Variants in ZNF670 observed in about 807,000 individuals in gnomAD.
ZNF670 encodes zinc finger protein 670.
Under a neutral mutation model 10.9 loss-of-function variants are expected in ZNF670, and 7 were observed. That is an observed-to-expected ratio of 0.64 (90% CI 0.36 to 1.20). ZNF670 has a LOEUF of 1.20. Ranked by LOEUF, ZNF670 falls within the 50% of genes most tolerant of loss-of-function variation. The pLI is 0.02. For missense variants in ZNF670, 446 were observed against 458.6 expected, an observed-to-expected ratio of 0.97 and a Z score of 0.25; for synonymous variants, 136 against 152.7, an observed-to-expected ratio of 0.89 and a Z score of 0.81.
chr1:247,043,592 T>A, intron 1 of ZNF670: 1 of 625,598 alleles, frequency 1.6e-6, no homozygotes, highest in Non-Finnish European at 3.0e-6. Flanking sequence ...ACTTCAGCAT[T>A]GGGAGCACCA....
chr1:247,078,114 T>TGTG lies in ZNF670; in HGVS notation c.3+479_3+480insCAC, dbSNP rs1158651637. ...AATTGGGTTTGCTTCCTCGGGTTCC[T>TGTG]TACAAAAAACCCTTTCCTTCCCCAA... On this transcript the variant is annotated intron_variant, in intron 1 of 3. Coordinates refer to ENST00000366503, the MANE Select transcript of ZNF670 (RefSeq NM_033213.5). 3.3e-5 allele frequency among the ~76,000 whole-genome samples: 5 copies of TGTG among 152,206 alleles called. No homozygotes were observed. The East Asian group carries it at 9.6e-4, about 29-fold the overall frequency.
At chr1:247,051,122 C>G (rs1366268414) in intron 1 of ZNF670, among the ~76,000 whole-genome samples, 5 of 151,762 alleles carry the variant, frequency 3.3e-5, no homozygotes, top group Non-Finnish European at 5.9e-5. Context: ...TCCTGGCTAA[C>G]ATGGTGAAAC....
intron 1 of ZNF670, among the ~76,000 whole-genome samples, chr1:247,044,710 A>G (rs944888235): frequency 6.6e-6 from 1 of 152,216 alleles, no homozygotes; most frequent in African/African-American, 2.4e-5. Context: ...TTGACAGAAA[A>G]CCAAATACCA....
chr1:247,062,894 G>C (rs1670890444), intron 1 of ZNF670, among the ~76,000 whole-genome samples: 1 of 133,394 alleles, frequency 7.5e-6, no homozygotes, highest in African/African-American at 3.1e-5. Context: ...GACACTCCAA[G>C]ATAAGGCCAC....
rs1670123686 is a variant in ZNF670 at position 247,035,315 on chromosome 1, G to A, written c.*2134C>T. Among the ~76,000 whole-genome samples the A allele has an allele frequency of 6.6e-6, 1 of 152,184 alleles. No individual in the cohort carries two copies. Among genetic ancestry groups the A allele is most frequent in the Admixed American group, 6.5e-5 (1 of 15,276 alleles). ...AAGTTATTAGTTACATACATTCATAGACAAAAAAGGGAGGGTTCTGTAAAC... is the reference window on the plus strand; with the variant it reads ...AAGTTATTAGTTACATACATTCATAAACAAAAAAGGGAGGGTTCTGTAAAC... On this transcript the variant is annotated 3_prime_UTR_variant, in exon 4 of 4. Coordinates refer to ENST00000366503, the MANE Select transcript of ZNF670 (RefSeq NM_033213.5).
intron 1 of ZNF670, among the ~76,000 whole-genome samples, chr1:247,076,258 ATT>A (rs761879742): frequency 4.2e-5 from 6 of 141,628 alleles, no homozygotes; most frequent in Admixed American, 1.4e-4. Context: ...GTGTGCTTGA[ATT>A]TTTTTTTTTT....
chr1:247,051,782 A>ATTT (rs58493948), intron 1 of ZNF670, among the ~76,000 whole-genome samples: 2 of 138,216 alleles, frequency 1.4e-5, no homozygotes, highest in African/African-American at 5.2e-5. Context: ...TTCTTTTTTC[A>ATTT]TTTTTTTTTT....
At chr1:247,046,609 C>G (rs538849889) in intron 1 of ZNF670, among the ~76,000 whole-genome samples, 3 of 152,280 alleles carry the variant, frequency 2.0e-5, no homozygotes, top group East Asian at 3.9e-4. Flanking sequence ...CAGGCAGAAG[C>G]CTGACATGAG....
chr1:247,075,580 T>C (rs1229838788), intron 1 of ZNF670, among the ~76,000 whole-genome samples: 1 of 152,178 alleles, frequency 6.6e-6, no homozygotes, highest in Non-Finnish European at 1.5e-5. Flanking sequence ...GTTCTGGTGA[T>C]AGCGAATACG....
intron 2 of ZNF670, among the ~76,000 whole-genome samples, 190 bp from the exon 3 acceptor site, chr1:247,039,060 C>CTTTTTTT (rs3078762): frequency 1.4e-4 from 18 of 125,618 alleles, no homozygotes; most frequent in African/African-American, 2.4e-4. Context: ...TTCTTTCTTT[C>CTTTTTTT]TTTTTTTTTT....
intron 1 of ZNF670, among the ~76,000 whole-genome samples, chr1:247,069,299 C>T (rs1352790666): frequency 2.0e-5 from 3 of 150,776 alleles, no homozygotes; most frequent in African/African-American, 7.5e-5. Context: ...GATATATACA[C>T]CTTGTATGTC....
intron 1 of ZNF670, among the ~76,000 whole-genome samples, chr1:247,066,469 T>G (rs1347288279): frequency 1.3e-5 from 2 of 152,160 alleles, no homozygotes; most frequent in Non-Finnish European, 2.9e-5. Flanking sequence ...GCCCAGAGGT[T>G]TGGTGCAGTA....
At chr1:247,049,928 T>A (rs141095445) in intron 1 of ZNF670, among the ~76,000 whole-genome samples, 2 of 152,354 alleles carry the variant, frequency 1.3e-5, no homozygotes, top group African/African-American at 4.8e-5. Context: ...TATTGAGACT[T>A]GTTTTGTGGC....
intron 1 of ZNF670, among the ~76,000 whole-genome samples, chr1:247,045,928 C>T (rs180876046): frequency 6.6e-6 from 1 of 152,292 alleles, no homozygotes; most frequent in East Asian, 1.9e-4. Context: ...GAGCAAAGGT[C>T]ACCCATGTTA....
At position 247,038,433 on chromosome 1, in the gene ZNF670, A is replaced by C. The variant is rs1320401211; in HGVS notation, c.192-6T>G. The C allele has an allele frequency of 6.3e-7, 1 of 1,593,668 alleles. No individual in the cohort carries two copies. Among genetic ancestry groups the C allele is most frequent in the African/African-American group, 1.3e-5 (1 of 74,400 alleles). On this transcript the variant is annotated splice_polypyrimidine_tract_variant and splice_region_variant and intron_variant, in intron 3 of 3. Coordinates refer to ENST00000366503, the MANE Select transcript of ZNF670 (RefSeq NM_033213.5). ...GTCTCTCTACCACATGACTGCTGTAAAAATGATAAACATCATTAATGGTAC... is the reference window on the plus strand; with the variant it reads ...GTCTCTCTACCACATGACTGCTGTACAAATGATAAACATCATTAATGGTAC...
rs1180594249 is a variant in ZNF670, at chr1:247,078,701, A to C, written c.-105T>G. 4 of 1,301,854 alleles carry C rather than the reference A, an allele frequency of 3.1e-6. No individual in the cohort carries two copies. The African/African-American group carries it at 5.9e-5, about 19-fold the overall frequency. 80.6% of individuals were successfully genotyped at this position (1,301,854 alleles called of 1,614,324 possible). A position where few individuals can be genotyped will look rare whatever the true frequency, so the allele number is the denominator to read the frequency against. On this transcript the variant is annotated 5_prime_UTR_variant, in exon 1 of 4. Coordinates refer to ENST00000366503, the MANE Select transcript of ZNF670 (RefSeq NM_033213.5). ...GGACCACTTGGACCTCCCAGGGATAAGGGGAAGGAGCAGCGGAGACGCACC... is the reference window on the plus strand; with the variant it reads ...GGACCACTTGGACCTCCCAGGGATACGGGGAAGGAGCAGCGGAGACGCACC...
At chr1:247,049,180 C>T (rs1670532443) in intron 1 of ZNF670, among the ~76,000 whole-genome samples, 1 of 148,454 alleles carries the variant, frequency 6.7e-6, no homozygotes, top group African/African-American at 2.5e-5. Flanking sequence ...CTCACTGCAA[C>T]CTCCACCTGC....
At chr1:247,049,318 G>A (rs534447596) in intron 1 of ZNF670, among the ~76,000 whole-genome samples, 3 of 151,758 alleles carry the variant, frequency 2.0e-5, no homozygotes, top group African/African-American at 7.2e-5. Context: ...TGCCCACCTC[G>A]GCTTCCCAAA....
At chr1:247,040,627 T>C (rs1254102091) in intron 1 of ZNF670, among the ~76,000 whole-genome samples, 1 of 152,234 alleles carries the variant, frequency 6.6e-6, no homozygotes, top group African/African-American at 2.4e-5. Context: ...AATGTGGAGA[T>C]AAACAAATAG....
Sources: allele counts gnomAD v4.1 joint callset (sites outside exome capture counted in the v4.1 genomes callset), GRCh38; gene constraint gnomAD v4.1.1; transcripts MANE v1.5; gene names NCBI Gene and HGNC (gene_info 2026-07-23, HGNC 2026-07-21).